Variants in NEDD4L observed in about 807,000 individuals in gnomAD.
The protein encoded by NEDD4L is E3 ubiquitin-protein ligase NEDD4-like.
In NEDD4L, 54 loss-of-function variants were observed where a neutral mutation model predicts 148.9. That is an observed-to-expected ratio of 0.36 (90% CI 0.29 to 0.45). The LOEUF (loss-of-function observed/expected upper bound fraction) is 0.45, where lower values mean the gene tolerates loss of function less well. Among genes scored for constraint, NEDD4L ranks in the 20% least tolerant of loss-of-function variants. The probability of loss-of-function intolerance (pLI) is 1.00; values close to 1 mark genes in which losing one functional copy is unlikely to be tolerated. For missense variants in NEDD4L, 856 were observed against 1,233.8 expected (o/e 0.69, Z 4.59); for synonymous variants, 433 against 440.7 (o/e 0.98, Z 0.22).
chr18:58,142,199 A>C (rs1444383900), intron 1 of NEDD4L, among the ~76,000 whole-genome samples: 1 of 130,776 alleles, frequency 7.6e-6, no homozygotes, highest in Non-Finnish European at 1.6e-5. Context: ...GGCACCCGCC[A>C]CCACGCCCGG....
chr18:58,270,209 T>C (rs1398878530), intron 5 of NEDD4L, among the ~76,000 whole-genome samples: 2 of 152,240 alleles, frequency 1.3e-5, no homozygotes, highest in Non-Finnish European at 2.9e-5. Context: ...TTGTCAAATT[T>C]TCATGAATTT....
intron 2 of NEDD4L, among the ~76,000 whole-genome samples, chr18:58,222,503 C>T (rs2043882820): frequency 6.6e-6 from 1 of 152,108 alleles, no homozygotes; most frequent in African/African-American, 2.4e-5. Flanking sequence ...ATTTTCCCAC[C>T]CTTCCTACTC....
intron 2 of NEDD4L, among the ~76,000 whole-genome samples, chr18:58,202,838 A>G (rs763281781): frequency 2.0e-5 from 3 of 152,086 alleles, no homozygotes; most frequent in Non-Finnish European, 4.4e-5. Flanking sequence ...TTAAGGGCCT[A>G]TTGTGCTTGC....
Position 58,139,907 on chromosome 18 carries a change from G to A in NEDD4L, c.49-25881G>A, listed in dbSNP as rs184385830. 3.9e-5 allele frequency among the ~76,000 whole-genome samples: 6 copies of A among 152,320 alleles called. No individual in the cohort carries two copies. In the East Asian group the frequency reaches 9.6e-4, roughly 24 times the overall value. ...AGGCAGGTGAGATGGAGGCTTTGTA[G>A]GTTATGTTAAGGCTCCTAGACTTAG... On this transcript the variant is annotated intron_variant, in intron 1 of 30. Coordinates refer to ENST00000400345, the MANE Select transcript of NEDD4L (RefSeq NM_001144967.3).
chr18:58,335,779 G>T, intron 13 of NEDD4L: 1 of 395,962 alleles, frequency 2.5e-6, no homozygotes, highest in Non-Finnish European at 4.6e-6. Context: ...TTGGTTAAGT[G>T]CATTTAACTT....
chr18:58,172,826 A>G (rs2037672246), intron 2 of NEDD4L, among the ~76,000 whole-genome samples: 1 of 152,206 alleles, frequency 6.6e-6, no homozygotes, highest in Non-Finnish European at 1.5e-5. Context: ...TATTAAGTTC[A>G]GATTTATGTG....
At chr18:58,288,513 A>G (rs777652375) in intron 5 of NEDD4L, among the ~76,000 whole-genome samples, 9 of 152,230 alleles carry the variant, frequency 5.9e-5, no homozygotes, top group Non-Finnish European at 1.2e-4. Flanking sequence ...TTGTATAGCG[A>G]AAAAGAACAG....
intron 28 of NEDD4L, 135 bp downstream of exon 28, chr18:58,389,327 G>T (rs1310688881): frequency 3.2e-6 from 2 of 617,580 alleles, no homozygotes; most frequent in Middle Eastern, 8.5e-4. Context: ...ACTGCTGGGG[G>T]AGGGAAGAGG....
intron 5 of NEDD4L, among the ~76,000 whole-genome samples, chr18:58,258,773 A>G (rs1436834100): frequency 1.3e-5 from 2 of 152,196 alleles, no homozygotes; most frequent in East Asian, 1.9e-4. Flanking sequence ...TCTTTAAAAA[A>G]CAAAACCAAA....
intron 19 of NEDD4L, among the ~76,000 whole-genome samples, chr18:58,363,464 G>A (rs1285288825): frequency 5.9e-5 from 9 of 152,094 alleles, no homozygotes; most frequent in African/African-American, 1.7e-4. Context: ...TAAAAATATC[G>A]TAAGCTTTTT....
intron 1 of NEDD4L, among the ~76,000 whole-genome samples, chr18:58,063,242 A>G (rs1282349427): frequency 2.7e-5 from 4 of 150,940 alleles, no homozygotes; most frequent in Admixed American, 2.6e-4. Context: ...TTTTTTGTAG[A>G]GACAAGTTCG....
At chr18:58,131,867 T>G (rs2032207216) in intron 1 of NEDD4L, among the ~76,000 whole-genome samples, 1 of 152,314 alleles carries the variant, frequency 6.6e-6, no homozygotes, top group Middle Eastern at 3.4e-3. Context: ...CCTGGAAAGT[T>G]GTGGGAAGAA....
At chr18:58,374,924 A>G (rs983644357) in intron 24 of NEDD4L, among the ~76,000 whole-genome samples, 2 of 151,838 alleles carry the variant, frequency 1.3e-5, no homozygotes, top group Non-Finnish European at 2.9e-5. Context: ...CTCTTATCTC[A>G]GGCCGGCGTC....
intron 2 of NEDD4L, among the ~76,000 whole-genome samples, chr18:58,221,015 C>T (rs762924916): frequency 2.0e-5 from 3 of 152,102 alleles, no homozygotes; most frequent in East Asian, 3.9e-4. Context: ...ATTTACAGGG[C>T]GGGGCTGTCT....
chr18:58,044,478 G>A lies in NEDD4L; in HGVS notation c.-183G>A. 1 of 711,676 alleles carries A rather than the reference G, an allele frequency of 1.4e-6. No individual in the cohort carries two copies. The allele number at this position is 711,676 out of a possible 1,614,324, so 44.1% of individuals were successfully genotyped here. On this transcript the variant is annotated 5_prime_UTR_variant, in exon 1 of 31. Transcript: ENST00000400345. ...CAGCCTTCCGGGAGGAAGCGGTGCC[G>A]GCAGCGTCCAGGGCGCGCTCTCGGG...
chr18:58,137,660 G>C (rs2032998131), intron 1 of NEDD4L, among the ~76,000 whole-genome samples: 1 of 152,118 alleles, frequency 6.6e-6, no homozygotes, highest in African/African-American at 2.4e-5. Flanking sequence ...TGGTGCAGCT[G>C]CTTGAATTTT....
At chr18:58,052,853 C>G (rs1211617433) in intron 1 of NEDD4L, among the ~76,000 whole-genome samples, 3 of 152,050 alleles carry the variant, frequency 2.0e-5, no homozygotes, top group African/African-American at 7.2e-5. Context: ...GTAATCCCAG[C>G]TACTTGGGAG....
At chr18:58,275,726 C>T (rs1197953564) in intron 5 of NEDD4L, among the ~76,000 whole-genome samples, 1 of 152,222 alleles carries the variant, frequency 6.6e-6, no homozygotes. Flanking sequence ...CTTAGCACCC[C>T]TCACCTGTTA....
chr18:58,323,433 T>A, intron 8 of NEDD4L, 99 bp downstream of exon 8: 2 of 712,946 alleles, frequency 2.8e-6, no homozygotes, highest in African/African-American at 1.8e-5. Flanking sequence ...TTAGAAAGCT[T>A]AAATATAAAA....
Sources: allele counts gnomAD v4.1 joint callset (sites outside exome capture counted in the v4.1 genomes callset), GRCh38; gene constraint gnomAD v4.1.1; transcripts MANE v1.5; gene names NCBI Gene and HGNC (gene_info 2026-07-23, HGNC 2026-07-21).